Variants in TMEM123 observed in about 807,000 individuals in gnomAD.
TMEM123 encodes the protein porimin.
TMEM123 carries 16 observed loss-of-function variants against 19.7 expected under a neutral mutation model. The observed-to-expected ratio is 0.81, with a 90% CI of 0.55 to 1.23. The LOEUF (loss-of-function observed/expected upper bound fraction) is 1.23. TMEM123 is among the 50% of genes most tolerant of loss of function. The probability of loss-of-function intolerance (pLI) is 0.00; values close to 1 mark genes in which losing one functional copy is unlikely to be tolerated. For synonymous variants in TMEM123, 118 were observed against 99.4 expected, an observed-to-expected ratio of 1.19 and a Z score of -1.12; for missense variants, 313 against 257.8, an observed-to-expected ratio of 1.21 and a Z score of -1.47.
chr11:102,401,212 A>G (rs1163817012), intron 4 of TMEM123, among the ~76,000 whole-genome samples: 1 of 152,192 alleles, frequency 6.6e-6, no homozygotes, highest in African/African-American at 2.4e-5. Flanking sequence ...CTAAGTCAAA[A>G]GCCTGCTGGG....
intron 2 of TMEM123, among the ~76,000 whole-genome samples, chr11:102,440,047 T>C (rs2135862573): frequency 6.6e-6 from 1 of 152,288 alleles, no homozygotes; most frequent in African/African-American, 2.4e-5. Context: ...TATGGGACTA[T>C]GTGAAAAGAC....
chr11:102,433,614 G>A (rs1857734377), intron 2 of TMEM123, among the ~76,000 whole-genome samples: 1 of 151,808 alleles, frequency 6.6e-6, no homozygotes, highest in African/African-American at 2.4e-5. Context: ...AAGACTGTTG[G>A]GAAGGCATCA....
intron 2 of TMEM123, among the ~76,000 whole-genome samples, chr11:102,413,063 TAGAG>T (rs999758225): frequency 2.6e-5 from 4 of 152,136 alleles, no homozygotes; most frequent in African/African-American, 9.7e-5. Context: ...AAGTTATGCT[TAGAG>T]AGATTTATAG....
chr11:102,420,705 G>A (rs1952078278), intron 2 of TMEM123, among the ~76,000 whole-genome samples: 1 of 152,154 alleles, frequency 6.6e-6, no homozygotes, highest in South Asian at 2.1e-4. Context: ...CTTTGGTTAG[G>A]ACAGATGAGT....
At chr11:102,410,882 A>AT (rs1272084955) in intron 2 of TMEM123, among the ~76,000 whole-genome samples, 1 of 152,066 alleles carries the variant, frequency 6.6e-6, no homozygotes, top group African/African-American at 2.4e-5. Flanking sequence ...TCCTCAGGCA[A>AT]TTTCCTTTCT....
chr11:102,419,546 C>A lies in TMEM123; in HGVS notation c.158-17340G>T, dbSNP rs893488164. 2.0e-5 allele frequency among the ~76,000 whole-genome samples: 3 copies of A among 152,180 alleles called. No homozygotes were observed. In the South Asian group the frequency reaches 6.2e-4, roughly 32 times the overall value. ...TCCCCAGGGCAACTGCGTGTCCAGT[C>A]TGTTAGACAATGGCTTTTTAAAAGC... is the stretch of plus-strand genomic sequence containing the variant. On this transcript the variant is annotated intron_variant, in intron 2 of 4. Transcript: ENST00000398136.
chr11:102,431,706 CAGTT>C (rs141814908), intron 2 of TMEM123, among the ~76,000 whole-genome samples: 2,311 of 152,234 alleles, frequency 0.015, 59 homozygotes, highest in African/African-American at 0.052. Context: ...TGCTGATAAA[CAGTT>C]AGGTTGATTC....
chr11:102,442,186 C>T (rs1857833869), intron 2 of TMEM123, among the ~76,000 whole-genome samples: 1 of 152,224 alleles, frequency 6.6e-6, no homozygotes, highest in Non-Finnish European at 1.5e-5. Context: ...AGGGAATCCT[C>T]CCTAACTCAT....
At chr11:102,446,913 T>C (rs1430609565) in intron 2 of TMEM123, among the ~76,000 whole-genome samples, 1 of 152,078 alleles carries the variant, frequency 6.6e-6, no homozygotes, top group African/African-American at 2.4e-5. Context: ...ACTAAATAAA[T>C]AGCACCAAAT....
chr11:102,405,937 A>G (rs1951952371), intron 2 of TMEM123, among the ~76,000 whole-genome samples: 1 of 152,236 alleles, frequency 6.6e-6, no homozygotes, highest in African/African-American at 2.4e-5. Context: ...ATGAAATGCA[A>G]GGATGCTCTC....
chr11:102,423,026 C>T (rs1263767320), intron 2 of TMEM123, among the ~76,000 whole-genome samples: 2 of 152,176 alleles, frequency 1.3e-5, no homozygotes, highest in African/African-American at 4.8e-5. Context: ...TCGACAATCC[C>T]ACTTCTAAGA....
At chr11:102,443,931 A>G (rs1241680280) in intron 2 of TMEM123, among the ~76,000 whole-genome samples, 1 of 152,270 alleles carries the variant, frequency 6.6e-6, no homozygotes, top group African/African-American at 2.4e-5. Context: ...GGTAGCCAAC[A>G]GACACATGAA....
chr11:102,440,485 CA>C (rs1205284671), intron 2 of TMEM123, among the ~76,000 whole-genome samples: 1 of 152,182 alleles, frequency 6.6e-6, no homozygotes, highest in African/African-American at 2.4e-5. Flanking sequence ...AAATCCTTTA[CA>C]GACAAGCAAA....
At chr11:102,423,942 TAA>T (rs1952105603) in intron 2 of TMEM123, among the ~76,000 whole-genome samples, 1 of 152,222 alleles carries the variant, frequency 6.6e-6, no homozygotes, top group East Asian at 1.9e-4. Context: ...AAAAAATATA[TAA>T]AAGTTTTAAA....
chr11:102,429,698 T>A (rs1044580920), intron 2 of TMEM123, among the ~76,000 whole-genome samples: 2 of 152,168 alleles, frequency 1.3e-5, no homozygotes, highest in Non-Finnish European at 2.9e-5. Context: ...ATGTTTGACA[T>A]CTTATACATA....
chr11:102,399,200 T>A (rs1427096227), intron 4 of TMEM123, among the ~76,000 whole-genome samples: 1 of 152,198 alleles, frequency 6.6e-6, no homozygotes, highest in Non-Finnish European at 1.5e-5. Flanking sequence ...ATCCCAGAAC[T>A]CTAGGAGGTC....
In TMEM123 at chr11:102,402,131, G is replaced by T; in HGVS notation, c.233C>A (p.Ala78Asp). 6.2e-7 allele frequency: 1 copy of T among 1,614,158 alleles called. No individual in the cohort carries two copies. Among genetic ancestry groups the T allele is most frequent in the Non-Finnish European group, 8.5e-7 (1 of 1,180,024 alleles). Residue 78 changes from alanine (A) to aspartate (D), a missense_variant, in exon 3 of 5, where the codon GCC (alanine) becomes GAC (aspartate). By Grantham distance (126) the Ala-to-Asp change is moderately radical. Coordinates refer to ENST00000398136, the MANE Select transcript of TMEM123 (RefSeq NM_052932.3). Reference protein sequence around the residue: ...NSTVKPPTSVASDSSNTTVTT... With the variant: ...NSTVKPPTSVDSDSSNTTVTT... Reference sequence around the variant, plus strand: ...GACCGTTGTATTACTGGAGTCTGAGGCAACTGAAGTTGGTGGTTTCACAGT... The same window carrying T: ...GACCGTTGTATTACTGGAGTCTGAGTCAACTGAAGTTGGTGGTTTCACAGT...
intron 2 of TMEM123, among the ~76,000 whole-genome samples, chr11:102,438,412 C>T (rs142710427): frequency 2.5e-4 from 38 of 152,304 alleles, no homozygotes; most frequent in Non-Finnish European, 4.3e-4. Flanking sequence ...TTATAGTCTA[C>T]GTCTCTCCAC....
At chr11:102,451,424 C>T (rs2135869229) in intron 1 of TMEM123, among the ~76,000 whole-genome samples, 1 of 152,316 alleles carries the variant, frequency 6.6e-6, no homozygotes, top group Admixed American at 6.5e-5. Flanking sequence ...AAAAAAACTT[C>T]AGCAAAACAA....
Sources: gnomAD v4.1 joint callset for allele counts (sites outside exome capture counted in the v4.1 genomes callset) on GRCh38, gnomAD v4.1.1 for gene constraint, MANE v1.5 for transcripts, NCBI Gene and HGNC (gene_info 2026-07-23, HGNC 2026-07-21) for gene names.